Variants in SLC48A1 observed in about 807,000 individuals in gnomAD.
SLC48A1 encodes heme transporter HRG1.
SLC48A1 carries 6 observed loss-of-function variants against 14.8 expected under a neutral mutation model. That is an observed-to-expected ratio of 0.41 (90% CI 0.22 to 0.80). The LOEUF is 0.80. Ranked by LOEUF, SLC48A1 falls within the 30% of genes least tolerant of loss-of-function variation. SLC48A1 has a pLI of 0.34. For missense variants in SLC48A1, 165 were observed against 204.8 expected (o/e 0.81, Z 1.19); for synonymous variants, 89 against 90.0 (o/e 0.99, Z 0.06).
In SLC48A1 at chr12:47,777,201, G is replaced by A. The variant is rs971148786; in HGVS notation, c.137-1827G>A. On this transcript the variant is annotated intron_variant, in intron 1 of 2. Coordinates refer to ENST00000442218, the MANE Select transcript of SLC48A1 (RefSeq NM_017842.3). This position sits in a 1 kb window ranked among gnomAD's most constrained non-coding sequence, Gnocchi z 4.5. The stretch of plus-strand genomic sequence containing the variant: ...GGTAAGAGGAAGCTGCAGGATGATT[G>A]TCCTGTCCACCTCTGGCCCACTCCA... 6.6e-6 allele frequency among the ~76,000 whole-genome samples: 1 copy of A among 152,218 alleles called. No individual in the cohort carries two copies. The highest frequency in any genetic ancestry group is 2.4e-5 in the African/African-American group (1 of 41,452).
chr12:47,760,858 ATTC>A (rs1412034795), intron 2 of SLC48A1, among the ~76,000 whole-genome samples: 1 of 152,202 alleles, frequency 6.6e-6, no homozygotes, highest in African/African-American at 2.4e-5. Flanking sequence ...TATGTATTCT[ATTC>A]TTCTAATGTA....
At chr12:47,760,250 G>A in exon 2 of SLC48A1, 1 of 985,480 alleles carries the variant, frequency 1.0e-6, no homozygotes. Context: ...AGAAACGCTG[G>A]TGGAGTTTTA....
upstream of SLC48A1, chr12:47,772,240 C>A (rs1023206423): frequency 3.9e-5 from 6 of 154,766 alleles, no homozygotes; most frequent in African/African-American, 1.4e-4. Context: ...CTGGGATTTT[C>A]CCTCCAGCTC....
At chr12:47,771,932 C>CAA (rs372095423), upstream of SLC48A1, among the ~76,000 whole-genome samples, 7 of 125,058 alleles carry the variant, frequency 5.6e-5, no homozygotes, top group African/African-American at 8.9e-5. Flanking sequence ...GACTCCGTCT[C>CAA]AAAAAAAAAA....
rs199804277 is a variant in SLC48A1 at position 47,763,427 on chromosome 12, T to G, written c.-187+3026T>G. Among the ~76,000 whole-genome samples, 4 of 152,304 alleles carry G rather than the reference T, an allele frequency of 2.6e-5. No homozygotes were observed. In the East Asian group the frequency reaches 5.8e-4, roughly 22 times the overall value. The stretch of plus-strand genomic sequence containing the variant: ...GGATATAAGGGCTGTGCCAGGACCT[T>G]GGCCTGTGGCTGAGCCTCCCACAAT... On this transcript the variant is annotated intron_variant, in intron 2 of 4. Coordinates refer to the SLC48A1 transcript ENST00000547002.
chr12:47,778,273 G>GTT (rs1942792612), intron 1 of SLC48A1: 1 of 152,520 alleles, frequency 6.6e-6, no homozygotes, highest in African/African-American at 2.4e-5. Context: ...GTGGGGGTGG[G>GTT]GAGCGGTGCA....
chr12:47,756,425 G>C (rs531222629), upstream of SLC48A1: 8 of 152,434 alleles, frequency 5.2e-5, no homozygotes, highest in African/African-American at 1.9e-4. Context: ...GACCCGGAGA[G>C]CGGAGAGCCG....
upstream of SLC48A1, chr12:47,773,141 C>G (rs1368831285): frequency 3.1e-6 from 3 of 962,026 alleles, no homozygotes; most frequent in Non-Finnish European, 3.7e-6. Flanking sequence ...GGGCGGCCTC[C>G]GGCCGGGGAG....
At chr12:47,774,535 A>G (rs1942698576) in intron 1 of SLC48A1, among the ~76,000 whole-genome samples, 1 of 152,224 alleles carries the variant, frequency 6.6e-6, no homozygotes, top group African/African-American at 2.4e-5. Context: ...TGATGATTAT[A>G]TTCCATTACT....
chr12:47,762,808 A>G (rs1942415516), intron 2 of SLC48A1, among the ~76,000 whole-genome samples: 1 of 152,222 alleles, frequency 6.6e-6, no homozygotes, highest in East Asian at 1.9e-4. Flanking sequence ...GCTACTCTCA[A>G]CCTTGCCTCG....
upstream of SLC48A1, chr12:47,757,742 G>C (rs536547017): frequency 6.6e-6 from 6 of 907,426 alleles, no homozygotes; most frequent in Non-Finnish European, 9.9e-6. Flanking sequence ...CAGTGTCCAC[G>C]GCAGCTGTAC....
At chr12:47,773,841 C>T (rs956590944) in intron 1 of SLC48A1, among the ~76,000 whole-genome samples, 5 of 152,246 alleles carry the variant, frequency 3.3e-5, no homozygotes, top group African/African-American at 1.2e-4. Flanking sequence ...CACACACACA[C>T]GGTTGTTCTG....
Position 47,780,561 on chromosome 12 carries a change from T to C in SLC48A1, c.*280T>C, listed in dbSNP as rs1388275876. 6.8e-6 allele frequency: 4 copies of C among 591,608 alleles called. No homozygotes were observed. The highest frequency in any genetic ancestry group is 3.8e-5 in the East Asian group (1 of 26,024). The allele number at this position is 591,608 out of a possible 1,614,324, so 36.6% of individuals were successfully genotyped here. On this transcript the variant is annotated 3_prime_UTR_variant, in exon 3 of 3. Transcript: ENST00000442218. ...TGAATCTGTTTTCTTTTCTTTCTTT[T>C]TTTTTTCTTTTTTTTTTTTTTTTGA...
At chr12:47,766,535 T>C (rs1279549598) in intron 2 of SLC48A1, among the ~76,000 whole-genome samples, 1 of 152,184 alleles carries the variant, frequency 6.6e-6, no homozygotes, top group Non-Finnish European at 1.5e-5. Context: ...GTATCTGTGA[T>C]TGCGGGTTCA....
At chr12:47,760,676 C>T (rs1397931300) in intron 2 of SLC48A1, among the ~76,000 whole-genome samples, 2 of 152,176 alleles carry the variant, frequency 1.3e-5, no homozygotes, top group Non-Finnish European at 1.5e-5. Context: ...ATCCCTGCCA[C>T]GATCCTGTGA....
chr12:47,766,021 C>G (rs902527555), intron 2 of SLC48A1, among the ~76,000 whole-genome samples: 1 of 152,178 alleles, frequency 6.6e-6, no homozygotes, highest in African/African-American at 2.4e-5. Context: ...CTTGTCCAAC[C>G]CTTCCTCTTC....
In SLC48A1 at chr12:47,765,897, G is replaced by A. The variant is rs187587960; in HGVS notation, c.-187+5496G>A. Among the ~76,000 whole-genome samples the A allele has an allele frequency of 1.1e-3, 160 of 152,014 alleles. 2 individuals are homozygous for A. Among genetic ancestry groups the A allele is most frequent in the African/African-American group, 3.6e-3 (151 of 41,446 alleles). On this transcript the variant is annotated intron_variant, in intron 2 of 4. Transcript: ENST00000547002. ...TAGTAACCAAGTTTCTCCCCCTCCT[G>A]CCATGGCTTTTTCTCACCTCCCTCT...
intron 2 of SLC48A1, among the ~76,000 whole-genome samples, chr12:47,760,795 A>G (rs763548452): frequency 1.3e-5 from 2 of 152,190 alleles, no homozygotes; most frequent in African/African-American, 4.8e-5. Context: ...CTGGGGCATG[A>G]ATCCAGGTTG....
In SLC48A1 at chr12:47,780,856, C is replaced by T. The variant is rs185848723; in HGVS notation, c.*575C>T. 109 of 525,322 alleles carry T rather than the reference C, an allele frequency of 2.1e-4. No individual in the cohort carries two copies. Among genetic ancestry groups the T allele is most frequent in the South Asian group, 7.3e-4 (51 of 70,256 alleles). The allele number at this position is 525,322 out of a possible 1,614,324, so 32.5% of individuals were successfully genotyped here. On this transcript the variant is annotated 3_prime_UTR_variant, in exon 3 of 3. Transcript: ENST00000442218. ...TGCTGGGATTATAGGTGTGAGCCAC[C>T]GTGCCCGGCCTGGATCTGTTTTCTT...
Sources: gnomAD v4.1 joint callset for allele counts (sites outside exome capture counted in the v4.1 genomes callset) on GRCh38, gnomAD v4.1.1 for gene constraint, Gnocchi (gnomAD v3.1) non-coding constraint, MANE v1.5 for transcripts, NCBI Gene and HGNC (gene_info 2026-07-23, HGNC 2026-07-21) for gene names.